Variants in GPHN observed in about 807,000 individuals in gnomAD.
The protein encoded by GPHN is gephyrin.
A neutral mutation model predicts 95.5 loss-of-function variants in GPHN; 17 were observed. The observed-to-expected ratio is 0.18, with a 90% CI of 0.12 to 0.27. The LOEUF (loss-of-function observed/expected upper bound fraction) is 0.27, where lower values mean the gene tolerates loss of function less well. Among genes scored for constraint, GPHN ranks in the 10% least tolerant of loss-of-function variants. GPHN has a pLI of 1.00. For synonymous variants in GPHN, 320 were observed against 322.5 expected, an observed-to-expected ratio of 0.99 and a Z score of 0.08; for missense variants, 660 against 978.1, an observed-to-expected ratio of 0.67 and a Z score of 4.34.
the GPHN span, among the ~76,000 whole-genome samples, chr14:67,272,478 G>A: frequency 1.3e-5 from 2 of 152,200 alleles, no homozygotes; most frequent in South Asian, 4.1e-4. Context: ...TGCTTGCAGT[G>A]TTGGCTGGCA....
chr14:67,387,791 A>T, the GPHN span, among the ~76,000 whole-genome samples: 1 of 152,230 alleles, frequency 6.6e-6, no homozygotes, highest in African/African-American at 2.4e-5. Flanking sequence ...AAGCAAGCAT[A>T]GAATTTGGAG....
chr14:67,708,717 T>G, the GPHN span, among the ~76,000 whole-genome samples: 18 of 152,048 alleles, frequency 1.2e-4, no homozygotes, highest in Admixed American at 6.5e-4. Flanking sequence ...CATATTTGAC[T>G]ATGCTTCCTG....
At chr14:67,685,756 C>G in the GPHN span, among the ~76,000 whole-genome samples, 1 of 152,088 alleles carries the variant, frequency 6.6e-6, no homozygotes, top group Admixed American at 6.5e-5. Flanking sequence ...GCTGGGACTA[C>G]AGGGGTGCGC....
chr14:66,643,132 T>C (rs759209837), intron 1 of GPHN, among the ~76,000 whole-genome samples: 4 of 152,106 alleles, frequency 2.6e-5, no homozygotes, highest in East Asian at 1.9e-4. Context: ...AAATAGTATA[T>C]GTTCAATATG....
At chr14:67,310,453 G>A in the GPHN span, among the ~76,000 whole-genome samples, 2 of 152,164 alleles carry the variant, frequency 1.3e-5, no homozygotes, top group Non-Finnish European at 2.9e-5. Flanking sequence ...TCCTTGGAGG[G>A]GATGGGATGG....
chr14:67,123,234 A>G (rs932764965), intron 17 of GPHN, among the ~76,000 whole-genome samples: 1 of 151,782 alleles, frequency 6.6e-6, no homozygotes, highest in African/African-American at 2.4e-5. Flanking sequence ...GACCTCATTA[A>G]GCATGGATCC....
intron 21 of GPHN, among the ~76,000 whole-genome samples, chr14:67,176,883 T>C (rs191128488): frequency 1.3e-5 from 2 of 152,368 alleles, no homozygotes; most frequent in Admixed American, 1.3e-4. Flanking sequence ...TATAGTATTC[T>C]CTGATGGTAG....
At chr14:66,613,187 T>C (rs1228847340) in intron 1 of GPHN, among the ~76,000 whole-genome samples, 1 of 152,118 alleles carries the variant, frequency 6.6e-6, no homozygotes, top group Non-Finnish European at 1.5e-5. Context: ...CAACATATAA[T>C]TTTGTTTTAT....
chr14:66,932,651 T>G (rs2066888758), intron 8 of GPHN, among the ~76,000 whole-genome samples: 1 of 150,852 alleles, frequency 6.6e-6, no homozygotes. Context: ...TCTCTCCCTA[T>G]GGCCATTATC....
chr14:67,183,161 A>G (rs1273608601), downstream of GPHN, among the ~76,000 whole-genome samples: 1 of 152,200 alleles, frequency 6.6e-6, no homozygotes, highest in Non-Finnish European at 1.5e-5. Context: ...AACAACAATT[A>G]TAGGGGTGTC....
At chr14:66,905,603 G>T (rs2065339391) in intron 5 of GPHN, among the ~76,000 whole-genome samples, 1 of 151,996 alleles carries the variant, frequency 6.6e-6, no homozygotes, top group Admixed American at 6.6e-5. Context: ...AGATTCAGGG[G>T]TACATGTACA....
intron 5 of GPHN, among the ~76,000 whole-genome samples, chr14:66,911,572 C>T (rs1172578632): frequency 1.3e-5 from 2 of 151,908 alleles, no homozygotes; most frequent in Non-Finnish European, 2.9e-5. Context: ...ATTGCTTCAC[C>T]TAGGTAGTAG....
intron 3 of GPHN, among the ~76,000 whole-genome samples, chr14:66,785,019 A>G (rs1249097148): frequency 6.6e-6 from 1 of 152,226 alleles, no homozygotes; most frequent in Non-Finnish European, 1.5e-5. Context: ...GTAGTAAGCA[A>G]TAGGATACAG....
At chr14:66,711,955 G>A (rs1156451935) in intron 2 of GPHN, among the ~76,000 whole-genome samples, 1 of 152,092 alleles carries the variant, frequency 6.6e-6, no homozygotes, top group African/African-American at 2.4e-5. Flanking sequence ...ATTCCATGAT[G>A]TATATGTGCC....
the GPHN span, among the ~76,000 whole-genome samples, chr14:67,710,694 C>T: frequency 6.6e-6 from 1 of 151,552 alleles, no homozygotes; most frequent in African/African-American, 2.4e-5. Context: ...TTGAATTAGA[C>T]AAAAATTTTT....
the GPHN span, chr14:67,651,383 G>A: frequency 6.2e-7 from 1 of 1,613,766 alleles, no homozygotes; most frequent in Non-Finnish European, 8.5e-7. Flanking sequence ...CCCTATAGAA[G>A]TTCAATGGCT....
the GPHN span, chr14:67,562,223 C>T: frequency 1.2e-6 from 2 of 1,611,998 alleles, no homozygotes; most frequent in Non-Finnish European, 1.7e-6. Flanking sequence ...GCCGGGAATC[C>T]AGCCTATGGG....
intron 17 of GPHN, chr14:67,143,047 T>C (rs904546933): frequency 5.7e-6 from 2 of 350,372 alleles, no homozygotes; most frequent in African/African-American, 4.3e-5. Flanking sequence ...AAAACAGGAA[T>C]ATTCCTAGGC....
At chr14:67,571,979 G>GAAGAGGTGAGGGGCT in the GPHN span, 1 of 1,528,830 alleles carries the variant, frequency 6.5e-7, no homozygotes, top group Non-Finnish European at 8.9e-7. Flanking sequence ...TTGAACATGG[G>GAAGAGGTGAGGGGCT]CGTCCCCACT....
Sources: allele counts gnomAD v4.1 joint callset (sites outside exome capture counted in the v4.1 genomes callset), GRCh38; gene constraint gnomAD v4.1.1; transcripts MANE v1.5; gene names NCBI Gene and HGNC (gene_info 2026-07-23, HGNC 2026-07-21).